Variants in PSD3 observed in about 807,000 individuals in gnomAD.
The protein encoded by PSD3 is pleckstrin and Sec7 domain containing 3, also known as PH and SEC7 domain-containing protein 3.
A neutral mutation model predicts 105.5 loss-of-function variants in PSD3; 49 were observed. The observed-to-expected ratio is 0.46, with a 90% CI of 0.37 to 0.59. The LOEUF (loss-of-function observed/expected upper bound fraction) is 0.59, where lower values mean the gene tolerates loss of function less well. Ranked by LOEUF, PSD3 falls within the 20% of genes least tolerant of loss-of-function variation. PSD3 has a pLI of 0.00. For synonymous variants in PSD3, 557 were observed against 457.8 expected, an observed-to-expected ratio of 1.22 and a Z score of -2.77; for missense variants, 1,561 against 1,263.8, an observed-to-expected ratio of 1.24 and a Z score of -3.57.
chr8:18,611,060 A>C (rs769365868), intron 11 of PSD3, among the ~76,000 whole-genome samples: 1 of 152,172 alleles, frequency 6.6e-6, no homozygotes, highest in Non-Finnish European at 1.5e-5. Flanking sequence ...ACAGGCAGTA[A>C]CATAAACAAT....
chr8:19,076,025 A>G (rs967875622), intron 1 of PSD3, among the ~76,000 whole-genome samples: 3 of 152,196 alleles, frequency 2.0e-5, no homozygotes, highest in Non-Finnish European at 4.4e-5. Flanking sequence ...AACCTAATAA[A>G]TGAAAAAAAG....
Position 18,743,959 on chromosome 8 carries a change from TCACCACCACCACCACCAC to T in PSD3, c.2172+21472_2172+21489del, listed in dbSNP as rs111311023. On this transcript the variant is annotated intron_variant, in intron 9 of 15. Coordinates refer to ENST00000327040, the MANE Select transcript of PSD3 (RefSeq NM_015310.4). ...TGGGTGAAAGTGCAAACTCTGTCTCTCACCACCACCACCACCACCACCACCACCACCACCACCACCCAG... is the reference window on the plus strand; with the variant it reads ...TGGGTGAAAGTGCAAACTCTGTCTCTCACCACCACCACCACCACCACCCAG... Among the ~76,000 whole-genome samples, 13 of 138,864 alleles carry T rather than the reference TCACCACCACCACCACCAC, an allele frequency of 9.4e-5. No homozygotes were observed. The South Asian group carries it at 1.9e-3, about 20-fold the overall frequency. The allele number at this position is 138,864 out of a possible 152,430, so 91.1% of individuals were successfully genotyped here.
intron 12 of PSD3, among the ~76,000 whole-genome samples, chr8:18,582,706 G>A (rs1802894740): frequency 6.6e-6 from 1 of 151,760 alleles, no homozygotes; most frequent in African/African-American, 2.4e-5. Flanking sequence ...TCCAAGTAGA[G>A]CTATGTTTCC....
intron 10 of PSD3, among the ~76,000 whole-genome samples, chr8:18,649,831 G>A (rs984279330): frequency 6.6e-6 from 1 of 152,130 alleles, no homozygotes; most frequent in Non-Finnish European, 1.5e-5. Flanking sequence ...TTAAAAGTGT[G>A]GCACTTCCAC....
intron 4 of PSD3, among the ~76,000 whole-genome samples, chr8:18,807,378 C>T (rs184037031): frequency 5.6e-4 from 86 of 152,222 alleles, no homozygotes; most frequent in Admixed American, 3.6e-3. Flanking sequence ...CACACTTTAT[C>T]GGCAAGCACC....
At chr8:18,922,494 A>G (rs897222673) in intron 2 of PSD3, among the ~76,000 whole-genome samples, 4 of 152,216 alleles carry the variant, frequency 2.6e-5, no homozygotes, top group African/African-American at 7.2e-5. Flanking sequence ...CAACCTACAC[A>G]GAAGACTTCT....
chr8:18,807,521 G>C (rs530242714), intron 4 of PSD3, among the ~76,000 whole-genome samples: 3 of 152,156 alleles, frequency 2.0e-5, no homozygotes, highest in Non-Finnish European at 4.4e-5. Flanking sequence ...TACGAAGTTA[G>C]GTCTACCAAA....
chr8:18,663,631 T>C (rs545595715), intron 9 of PSD3, among the ~76,000 whole-genome samples: 37 of 152,342 alleles, frequency 2.4e-4, no homozygotes, highest in African/African-American at 8.9e-4. Context: ...TACCTTCTAT[T>C]GAACTGGCTG....
intron 1 of PSD3, among the ~76,000 whole-genome samples, chr8:18,961,564 CT>C (rs1823925716): frequency 1.3e-5 from 2 of 152,118 alleles, no homozygotes; most frequent in Admixed American, 6.6e-5. Context: ...GTGGCACATG[CT>C]TGTAATCCCA....
chr8:18,691,267 A>G (rs150581102), intron 9 of PSD3, among the ~76,000 whole-genome samples: 28 of 152,360 alleles, frequency 1.8e-4, no homozygotes, highest in Non-Finnish European at 3.2e-4. Flanking sequence ...CCCCTCATGA[A>G]CAAGACCAGT....
intron 11 of PSD3, among the ~76,000 whole-genome samples, chr8:18,605,237 C>T (rs1804732339): frequency 6.6e-6 from 1 of 152,208 alleles, no homozygotes; most frequent in South Asian, 2.1e-4. Flanking sequence ...AGAGACAGAG[C>T]TGTCCAATGC....
At chr8:18,781,406 G>C (rs961173499) in intron 8 of PSD3, among the ~76,000 whole-genome samples, 47 of 152,154 alleles carry the variant, frequency 3.1e-4, no homozygotes, top group African/African-American at 1.1e-3. Context: ...TACCTCCCAA[G>C]ACACAATCCC....
At chr8:18,542,186 T>A (rs1800191287) in intron 15 of PSD3, among the ~76,000 whole-genome samples, 1 of 152,208 alleles carries the variant, frequency 6.6e-6, no homozygotes, top group Admixed American at 6.5e-5. Context: ...CTAGGTCTCA[T>A]TACAATTCAT....
chr8:19,039,884 C>A (rs1213283046), intron 1 of PSD3, among the ~76,000 whole-genome samples: 2 of 152,174 alleles, frequency 1.3e-5, no homozygotes, highest in East Asian at 3.9e-4. Context: ...TGACAATAAA[C>A]ATCTGCACAA....
intron 4 of PSD3, among the ~76,000 whole-genome samples, chr8:18,843,302 A>C (rs1353360540): frequency 1.3e-5 from 2 of 149,660 alleles, no homozygotes; most frequent in Non-Finnish European, 3.0e-5. Context: ...CGGAGCTTGC[A>C]GTGAGCCGAG....
intron 9 of PSD3, among the ~76,000 whole-genome samples, chr8:18,720,340 C>A (rs751319082): frequency 6.6e-6 from 1 of 151,500 alleles, no homozygotes; most frequent in Non-Finnish European, 1.5e-5. Flanking sequence ...CAATTGGATT[C>A]TCTGAGCCTC....
intron 9 of PSD3, among the ~76,000 whole-genome samples, chr8:18,751,395 G>A (rs1805481100): frequency 6.6e-6 from 1 of 152,356 alleles, no homozygotes; most frequent in Admixed American, 6.5e-5. Flanking sequence ...GAGGAAGTTA[G>A]AACATGACAG....
intron 4 of PSD3, among the ~76,000 whole-genome samples, chr8:18,833,691 T>TA (rs1225402612): frequency 6.6e-6 from 1 of 152,018 alleles, no homozygotes; most frequent in Non-Finnish European, 1.5e-5. Flanking sequence ...TAATTATCAC[T>TA]AAAAAATACA....
At chr8:19,081,211 C>T (rs866339634) in intron 1 of PSD3, among the ~76,000 whole-genome samples, 6 of 150,502 alleles carry the variant, frequency 4.0e-5, no homozygotes, top group Non-Finnish European at 7.4e-5. Flanking sequence ...TGAGACTCCA[C>T]GTCCCCAACA....
Sources: allele counts gnomAD v4.1 joint callset (sites outside exome capture counted in the v4.1 genomes callset), GRCh38; gene constraint gnomAD v4.1.1; transcripts MANE v1.5; gene names NCBI Gene and HGNC (gene_info 2026-07-23, HGNC 2026-07-21).